The following PTPRD variants were observed in gnomAD, a reference collection of about 807,000 sequenced individuals.
The protein encoded by PTPRD is protein tyrosine phosphatase receptor type D.
A neutral mutation model predicts 214.5 loss-of-function variants in PTPRD; 34 were observed. That is an observed-to-expected ratio of 0.16 (90% CI 0.12 to 0.21). PTPRD has a LOEUF of 0.21. Ranked by LOEUF, PTPRD falls within the 10% of genes least tolerant of loss-of-function variation. The probability of loss-of-function intolerance (pLI) is 1.00; values close to 1 mark genes in which losing one functional copy is unlikely to be tolerated. For missense variants in PTPRD, 2,545 were observed against 2,398.7 expected (o/e 1.06, Z -1.27); for synonymous variants, 1,128 against 845.7 (o/e 1.33, Z -5.79).
At chr9:10,119,858 T>G (rs1196232249) in intron 3 of PTPRD, among the ~76,000 whole-genome samples, 3 of 152,016 alleles carry the variant, frequency 2.0e-5, no homozygotes, top group African/African-American at 7.2e-5. Context: ...CAGAGACCTA[T>G]TTGAATCAGA....
intron 9 of PTPRD, among the ~76,000 whole-genome samples, chr9:9,368,740 T>G (rs1261069358): frequency 1.3e-5 from 2 of 151,942 alleles, no homozygotes; most frequent in African/African-American, 4.8e-5. Flanking sequence ...AAACAAATGC[T>G]GCAATGGATA....
chr9:8,928,283 TATGTCCTGAAA>T (rs2098918374), intron 11 of PTPRD, among the ~76,000 whole-genome samples: 1 of 152,202 alleles, frequency 6.6e-6, no homozygotes, highest in Non-Finnish European at 1.5e-5. Context: ...TGCCCATGCC[TATGTCCTGAAA>T]AGGATTGCCT....
chr9:8,359,436 T>C (rs548179280), intron 39 of PTPRD, among the ~76,000 whole-genome samples: 93 of 151,832 alleles, frequency 6.1e-4, no homozygotes, highest in Non-Finnish European at 1.1e-3. Flanking sequence ...GCAATTCTCT[T>C]GCTTCAGGCT....
At chr9:9,412,560 T>C (rs1050682794) in intron 8 of PTPRD, among the ~76,000 whole-genome samples, 3 of 152,024 alleles carry the variant, frequency 2.0e-5, no homozygotes, top group Non-Finnish European at 4.4e-5. Flanking sequence ...CTCAGGCCAC[T>C]CTCCTCAAGG....
intron 5 of PTPRD, among the ~76,000 whole-genome samples, chr9:9,909,128 G>A (rs78694807): frequency 0.029 from 4,363 of 151,902 alleles, 109 homozygotes; most frequent in Middle Eastern, 0.068. Context: ...GGGAGTAGAT[G>A]TAATGATTTT....
intron 2 of PTPRD, among the ~76,000 whole-genome samples, chr9:10,538,621 C>T (rs1032458422): frequency 1.3e-5 from 2 of 152,094 alleles, no homozygotes; most frequent in East Asian, 1.9e-4. Context: ...TGATTCTCCC[C>T]TCTCATCTCC....
At chr9:10,398,809 T>C (rs1280961375) in intron 2 of PTPRD, among the ~76,000 whole-genome samples, 2 of 151,976 alleles carry the variant, frequency 1.3e-5, no homozygotes, top group Non-Finnish European at 2.9e-5. Flanking sequence ...ATTACAACAA[T>C]TCTATGAGGA....
chr9:10,230,472 C>A (rs2099605579), intron 3 of PTPRD, among the ~76,000 whole-genome samples: 1 of 151,714 alleles, frequency 6.6e-6, no homozygotes, highest in Admixed American at 6.6e-5. Flanking sequence ...ATCTATCTAT[C>A]TATCTGTCTA....
chr9:8,830,669 C>T (rs562892682), intron 11 of PTPRD, among the ~76,000 whole-genome samples: 68 of 152,176 alleles, frequency 4.5e-4, no homozygotes, highest in Middle Eastern at 3.4e-3. Flanking sequence ...CAGTCAATAC[C>T]CAGCAAAGGG....
intron 9 of PTPRD, among the ~76,000 whole-genome samples, chr9:9,332,924 G>T (rs2042887069): frequency 6.6e-6 from 1 of 152,124 alleles, no homozygotes; most frequent in South Asian, 2.1e-4. Context: ...CTCTTACGCT[G>T]TGTTATTCTC....
intron 2 of PTPRD, among the ~76,000 whole-genome samples, chr9:10,400,018 C>G (rs1321054986): frequency 6.6e-6 from 1 of 151,774 alleles, no homozygotes; most frequent in Non-Finnish European, 1.5e-5. Flanking sequence ...ATACTTCTCT[C>G]TCAAAAGTTA....
chr9:8,825,683 G>C (rs1379845097), intron 11 of PTPRD, among the ~76,000 whole-genome samples: 1 of 152,158 alleles, frequency 6.6e-6, no homozygotes, highest in East Asian at 1.9e-4. Flanking sequence ...ATAAAAGAAT[G>C]GCTACTTTAT....
At chr9:9,315,595 G>T (rs1962341672) in intron 9 of PTPRD, among the ~76,000 whole-genome samples, 1 of 151,666 alleles carries the variant, frequency 6.6e-6, no homozygotes, top group Admixed American at 6.6e-5. Context: ...CTGAATTTTT[G>T]ATTCCCTAAA....
intron 7 of PTPRD, among the ~76,000 whole-genome samples, chr9:9,701,906 G>A (rs910279709): frequency 6.6e-6 from 1 of 152,128 alleles, no homozygotes; most frequent in Non-Finnish European, 1.5e-5. Context: ...ACCACCTGAG[G>A]TCAGGAGTTC....
chr9:9,908,366 G>A (rs966947907), intron 5 of PTPRD, among the ~76,000 whole-genome samples: 4 of 151,958 alleles, frequency 2.6e-5, no homozygotes, highest in Non-Finnish European at 5.9e-5. Context: ...ACTGGAACAT[G>A]TGAACAGGTG....
intron 11 of PTPRD, among the ~76,000 whole-genome samples, chr9:8,888,516 A>G (rs1470257072): frequency 6.6e-6 from 1 of 152,236 alleles, no homozygotes; most frequent in East Asian, 1.9e-4. Flanking sequence ...AAAAGATGAC[A>G]AACATTGTCT....
intron 9 of PTPRD, among the ~76,000 whole-genome samples, chr9:9,216,032 C>T (rs1439845592): frequency 1.3e-5 from 2 of 152,154 alleles, no homozygotes; most frequent in Admixed American, 6.5e-5. Flanking sequence ...TGGTTCAGAA[C>T]ACACAATCTA....
intron 44 of PTPRD, among the ~76,000 whole-genome samples, chr9:8,327,950 G>A (rs1399939424): frequency 7.1e-6 from 1 of 141,282 alleles, no homozygotes; most frequent in Non-Finnish European, 1.5e-5. Context: ...CACACTGATG[G>A]GTCTTCACTC....
intron 14 of PTPRD, among the ~76,000 whole-genome samples, chr9:8,577,442 A>G (rs1446540477): frequency 2.0e-5 from 3 of 152,046 alleles, no homozygotes; most frequent in African/African-American, 4.8e-5. Context: ...TTTAGTACAG[A>G]CAGGGTTTCT....
Sources: allele counts gnomAD v4.1 joint callset (sites outside exome capture counted in the v4.1 genomes callset), GRCh38; gene constraint gnomAD v4.1.1; transcripts MANE v1.5; gene names NCBI Gene and HGNC (gene_info 2026-07-23, HGNC 2026-07-21).